Variants in ZSCAN25 observed in about 807,000 individuals in gnomAD.
ZSCAN25 encodes the protein zinc finger and SCAN domain containing 25.
A neutral mutation model predicts 38.7 loss-of-function variants in ZSCAN25; 27 were observed. That is an observed-to-expected ratio of 0.70 (90% CI 0.51 to 0.96). ZSCAN25 has a LOEUF of 0.96. ZSCAN25 is among the 40% of genes least tolerant of loss of function. The pLI, the probability that ZSCAN25 is intolerant of heterozygous loss-of-function variation, is 0.00. For synonymous variants in ZSCAN25, 273 were observed against 277.7 expected (o/e 0.98, Z 0.17); for missense variants, 637 against 705.9 (o/e 0.90, Z 1.11).
At chr7:99,626,166 G>A (rs1807452759) in intron 7 of ZSCAN25, among the ~76,000 whole-genome samples, 1 of 152,238 alleles carries the variant, frequency 6.6e-6, no homozygotes, top group African/African-American at 2.4e-5. Flanking sequence ...CTCACAACAG[G>A]ATTTGGAATC....
the ZSCAN25 span, among the ~76,000 whole-genome samples, chr7:99,645,794 A>C: frequency 6.6e-6 from 1 of 151,544 alleles, no homozygotes; most frequent in South Asian, 2.1e-4. Flanking sequence ...CCCATTTTTT[A>C]ATTTTTTTTT....
At chr7:99,674,601 A>G in the ZSCAN25 span, 1 of 1,607,724 alleles carries the variant, frequency 6.2e-7, no homozygotes, top group Admixed American at 1.7e-5. Context: ...AGAGGAAACA[A>G]AATACAAGTT....
At position 99,632,403 on chromosome 7, in the gene ZSCAN25, A is replaced by G. The variant is rs1002065796; in HGVS notation, c.*2383A>G. The G allele has an allele frequency of 4.1e-5, 16 of 391,498 alleles. No homozygotes were observed. Among genetic ancestry groups the G allele is most frequent in the Non-Finnish European group, 5.6e-5 (16 of 287,346 alleles). The allele number at this position is 391,498 out of a possible 1,614,324, so 24.3% of individuals were successfully genotyped here. The stretch of plus-strand genomic sequence containing the variant: ...TGACTTTATTATAAACTCATAATCA[A>G]TCTTGTTTCATCTCTGTCCACTCCT... On this transcript the variant is annotated 3_prime_UTR_variant, in exon 8 of 8. Coordinates refer to ENST00000394152, the MANE Select transcript of ZSCAN25 (RefSeq NM_145115.3).
rs1807855087 is a variant in ZSCAN25 at position 99,629,938 on chromosome 7, C to T, written c.1553C>T (p.Ala518Val). 9.3e-6 allele frequency: 15 copies of T among 1,613,614 alleles called. No individual in the cohort carries two copies. The highest frequency in any genetic ancestry group is 1.3e-5 in the Non-Finnish European group (15 of 1,179,794). Residue 518 changes from alanine to valine, a missense_variant, in exon 8 of 8, where the codon GCC becomes GTC. Transcript: ENST00000394152. This position sits in a 1 kb window ranked among gnomAD's most constrained non-coding sequence, Gnocchi z 5.6. ...GGGGAGAAGCCCTACCACTGTCCTG[C>T]CTGCGGGCGAAGCTTCAACCAGAGG... ...HTGEKPYHCP[A>V]CGRSFNQRSI...
chr7:99,734,913 G>T, the ZSCAN25 span: 1 of 1,546,268 alleles, frequency 6.5e-7, no homozygotes, highest in Admixed American at 1.7e-5. Flanking sequence ...GAGCCACCAC[G>T]GCCAGCCTGA....
At chr7:99,647,070 A>G in the ZSCAN25 span, among the ~76,000 whole-genome samples, 2 of 152,070 alleles carry the variant, frequency 1.3e-5, no homozygotes, top group South Asian at 4.1e-4. Flanking sequence ...TACTTTATTT[A>G]CTTATGTGAT....
chr7:99,708,465 CCCTCCTTCTCT>C, the ZSCAN25 span, among the ~76,000 whole-genome samples: 1 of 151,432 alleles, frequency 6.6e-6, no homozygotes, highest in South Asian at 2.1e-4. Context: ...CTTGTCTTAC[CCCTCCTTCTCT>C]CCTCCTTCTC....
the ZSCAN25 span, among the ~76,000 whole-genome samples, chr7:99,721,218 A>T: frequency 1.3e-5 from 2 of 152,224 alleles, no homozygotes; most frequent in African/African-American, 2.4e-5. Context: ...ATAGACAAAG[A>T]TGTATTTATA....
rs1808025463 is a variant in ZSCAN25, at chr7:99,631,860, T to C, written c.*1840T>C. 1 of 985,318 alleles carries C rather than the reference T, an allele frequency of 1.0e-6. No individual in the cohort carries two copies. The highest frequency in any genetic ancestry group is 4.7e-5 in the South Asian group (1 of 21,294). The allele number at this position is 985,318 out of a possible 1,614,324, so 61.0% of individuals were successfully genotyped here. A position where few individuals can be genotyped will look rare whatever the true frequency, so the allele number is the denominator to read the frequency against. Reference sequence around the variant, plus strand: ...GTCCACACGGGGCTGCTGCTGCTCCTCTGTAATACTGAGGTCCACATGCAA... The same window carrying C: ...GTCCACACGGGGCTGCTGCTGCTCCCCTGTAATACTGAGGTCCACATGCAA... On this transcript the variant is annotated 3_prime_UTR_variant, in exon 8 of 8. Transcript: ENST00000394152.
chr7:99,674,528 C>T, the ZSCAN25 span: 1 of 1,613,172 alleles, frequency 6.2e-7, no homozygotes, highest in Non-Finnish European at 8.5e-7. Context: ...TTTCAGAATA[C>T]TCACCCCCAC....
the ZSCAN25 span, among the ~76,000 whole-genome samples, chr7:99,719,808 G>A: frequency 6.6e-6 from 1 of 152,056 alleles, no homozygotes; most frequent in Non-Finnish European, 1.5e-5. Flanking sequence ...GACCAGCCTG[G>A]CCAATAAGGT....
At chr7:99,685,283 T>C in the ZSCAN25 span, 1 of 1,609,906 alleles carries the variant, frequency 6.2e-7, no homozygotes, top group South Asian at 1.1e-5. Flanking sequence ...TAAAGCAAAA[T>C]TAGAAACTGT....
chr7:99,710,669 G>GT, the ZSCAN25 span: 4 of 1,612,312 alleles, frequency 2.5e-6, no homozygotes, highest in African/African-American at 4.0e-5. Flanking sequence ...CTGGGAAGTG[G>GT]TGAGGAAGCA....
chr7:99,719,546 A>C, the ZSCAN25 span, among the ~76,000 whole-genome samples: 3 of 152,316 alleles, frequency 2.0e-5, no homozygotes, highest in South Asian at 6.2e-4. Flanking sequence ...GCAATATAGG[A>C]AGGAGGGCTA....
rs766472779 is a variant in ZSCAN25 at position 99,629,942 on chromosome 7, C to T, written c.1557C>T (p.Cys519=). 27 of 1,613,146 alleles carry T rather than the reference C, an allele frequency of 1.7e-5. No individual in the cohort carries two copies. Among genetic ancestry groups the T allele is most frequent in the East Asian group, 4.5e-5 (2 of 44,870 alleles). Residue 519 remains cysteine, a synonymous_variant, in exon 8 of 8, where the codon TGC becomes TGT. Transcript: ENST00000394152. This position sits in a 1 kb window ranked among gnomAD's most constrained non-coding sequence, Gnocchi z 5.6. ...AGAAGCCCTACCACTGTCCTGCCTG[C>T]GGGCGAAGCTTCAACCAGAGGTCCA... The part of the protein sequence containing the change: ...TGEKPYHCPA[C]GRSFNQRSIL...
the ZSCAN25 span, chr7:99,705,477 C>A: frequency 1.2e-6 from 2 of 1,611,974 alleles, no homozygotes; most frequent in Non-Finnish European, 1.7e-6. Context: ...TCTTAAAGAG[C>A]AAACCAGAAG....
At chr7:99,709,451 G>A in the ZSCAN25 span, among the ~76,000 whole-genome samples, 3 of 152,158 alleles carry the variant, frequency 2.0e-5, no homozygotes, top group African/African-American at 7.2e-5. Context: ...TAAGATGTGT[G>A]GAGGAGTTAT....
chr7:99,663,998 C>T, the ZSCAN25 span: 1 of 1,592,166 alleles, frequency 6.3e-7, no homozygotes, highest in African/African-American at 1.4e-5. Flanking sequence ...GACTTTTCTT[C>T]ATTCTGTTTA....
chr7:99,732,918 T>G, the ZSCAN25 span, among the ~76,000 whole-genome samples: 2 of 152,200 alleles, frequency 1.3e-5, no homozygotes, highest in African/African-American at 4.8e-5. Flanking sequence ...ATTAAGACCT[T>G]GTTTTCTCTT....
Sources: allele counts gnomAD v4.1 joint callset (sites outside exome capture counted in the v4.1 genomes callset), GRCh38; gene constraint gnomAD v4.1.1; non-coding constraint Gnocchi (gnomAD v3.1); transcripts MANE v1.5; gene names NCBI Gene and HGNC (gene_info 2026-07-23, HGNC 2026-07-21).